RABGAP1: variants seen among roughly 807,000 people sequenced by gnomAD.
RABGAP1 encodes RAB GTPase activating protein 1, also known as rab GTPase-activating protein 1.
In RABGAP1, 23 loss-of-function variants were observed where a neutral mutation model predicts 137.6. The observed-to-expected ratio is 0.17, with a 90% confidence interval of 0.12 to 0.24. The LOEUF (loss-of-function observed/expected upper bound fraction) is 0.24. Ranked by LOEUF, RABGAP1 falls within the 10% of genes least tolerant of loss-of-function variation. The probability of loss-of-function intolerance (pLI) is 1.00; values close to 1 mark genes in which losing one functional copy is unlikely to be tolerated. For synonymous variants in RABGAP1, 451 were observed against 450.7 expected, an observed-to-expected ratio of 1.00 and a Z score of -0.01; for missense variants, 906 against 1,275.8, an observed-to-expected ratio of 0.71 and a Z score of 4.42.
rs189016905 is a variant in RABGAP1 at position 122,975,721 on chromosome 9, G to T, written c.151-8764G>T. Among the ~76,000 whole-genome samples the T allele has an allele frequency of 3.5e-3, 526 of 152,288 alleles. 9 individuals are homozygous for T. Among genetic ancestry groups the T allele is most frequent in the Non-Finnish European group, 3.1e-3 (212 of 68,024 alleles). On this transcript the variant is annotated intron_variant, in intron 2 of 25. Transcript: ENST00000373647. ...TGGATGCTATTTGGCAGGTACTGTG[G>T]TGTGAGAGTTAAATGAGATAGTTCT...
Position 122,967,295 on chromosome 9 carries a change from GAAAT to G in RABGAP1, c.150+10092_150+10095del, listed in dbSNP as rs1274214041. On this transcript the variant is annotated intron_variant, in intron 2 of 25. Coordinates refer to ENST00000373647, the MANE Select transcript of RABGAP1 (RefSeq NM_012197.4). ...GTAAATAGGAGATCAGAAAGAAGTGGAAATAAATATAGACAACTTTTTCAAGGAC... is the reference window on the plus strand; with the variant it reads ...GTAAATAGGAGATCAGAAAGAAGTGGAAATATAGACAACTTTTTCAAGGAC... 5.9e-5 allele frequency among the ~76,000 whole-genome samples: 9 copies of G among 152,224 alleles called. 1 individual carries two copies. The highest frequency in any genetic ancestry group is 4.6e-4 in the Admixed American group (7 of 15,276).
intron 1 of RABGAP1, among the ~76,000 whole-genome samples, chr9:122,944,889 C>A (rs71511548): frequency 6.6e-6 from 1 of 151,836 alleles, no homozygotes; most frequent in Admixed American, 6.6e-5. Context: ...AATAATCTTT[C>A]TTAGCAAGAC....
chr9:123,089,515 T>C (rs1052164539), intron 19 of RABGAP1: 4 of 438,464 alleles, frequency 9.1e-6, no homozygotes, highest in African/African-American at 3.9e-5. Context: ...GGGTGTTCAT[T>C]CTAATACTGT....
At chr9:123,079,268 C>T (rs1323546675) in intron 19 of RABGAP1, among the ~76,000 whole-genome samples, 2 of 137,170 alleles carry the variant, frequency 1.5e-5, no homozygotes, top group East Asian at 4.2e-4. Context: ...GAGACAGGGT[C>T]TCGCTTTGTC....
At chr9:123,098,220 T>C (rs2035240411) in intron 22 of RABGAP1, among the ~76,000 whole-genome samples, 1 of 152,236 alleles carries the variant, frequency 6.6e-6, no homozygotes, top group Admixed American at 6.5e-5. Flanking sequence ...GAGCCAGTGC[T>C]CCATAGTCAT....
chr9:123,010,290 C>G, intron 10 of RABGAP1, 64 bp from the exon 11 acceptor site: 1 of 1,393,402 alleles, frequency 7.2e-7, no homozygotes, highest in Non-Finnish European at 9.8e-7. Flanking sequence ...ATTAAAAACA[C>G]TGCAATTAAT....
intron 6 of RABGAP1, among the ~76,000 whole-genome samples, chr9:122,994,669 A>G (rs985612982): frequency 1.3e-5 from 2 of 152,176 alleles, no homozygotes; most frequent in Non-Finnish European, 2.9e-5. Context: ...GGTAGCTACT[A>G]ATGGTTCTAT....
At chr9:123,011,566 AT>A (rs778838296) in intron 11 of RABGAP1, among the ~76,000 whole-genome samples, 2 of 152,216 alleles carry the variant, frequency 1.3e-5, no homozygotes, top group African/African-American at 4.8e-5. Flanking sequence ...ATTTAGCATC[AT>A]TTATTAGTAA....
intron 9 of RABGAP1, among the ~76,000 whole-genome samples, chr9:122,997,841 A>T (rs997546388): frequency 1.3e-5 from 2 of 152,216 alleles, no homozygotes; most frequent in African/African-American, 4.8e-5. Context: ...GCTGCATATT[A>T]TCCCATTCTG....
intron 13 of RABGAP1, among the ~76,000 whole-genome samples, chr9:123,063,491 T>C (rs1291015770): frequency 6.6e-6 from 1 of 152,244 alleles, no homozygotes; most frequent in African/African-American, 2.4e-5. Flanking sequence ...CCAAACTGTT[T>C]ACAAAGTGTT....
At chr9:123,029,365 G>A in intron 13 of RABGAP1, 1 of 958,844 alleles carries the variant, frequency 1.0e-6, no homozygotes, top group Non-Finnish European at 1.7e-6. Flanking sequence ...ATGTAGAGTT[G>A]CTTGGACCTG....
chr9:123,051,958 ATT>A (rs58591585), intron 13 of RABGAP1, among the ~76,000 whole-genome samples: 2,825 of 130,594 alleles, frequency 0.022, 90 homozygotes, highest in African/African-American at 0.074. Flanking sequence ...CGCCCGGCTA[ATT>A]TTTTTTTTTT....
At chr9:122,956,478 G>A (rs765318360) in intron 1 of RABGAP1, among the ~76,000 whole-genome samples, 4 of 152,118 alleles carry the variant, frequency 2.6e-5, no homozygotes, top group Non-Finnish European at 4.4e-5. Flanking sequence ...GTGAAACCCC[G>A]TCTCTACGAA....
At chr9:122,933,265 C>A in the RABGAP1 span, among the ~76,000 whole-genome samples, 1 of 151,686 alleles carries the variant, frequency 6.6e-6, no homozygotes, top group East Asian at 1.9e-4. Flanking sequence ...CTGTTCCTAG[C>A]GAGGTAAATG....
intron 19 of RABGAP1, among the ~76,000 whole-genome samples, chr9:123,083,309 T>C (rs1473728146): frequency 6.6e-6 from 1 of 152,252 alleles, no homozygotes; most frequent in East Asian, 1.9e-4. Context: ...AAACTTATTC[T>C]CTATACACTA....
chr9:123,094,778 AAATT>A (rs1197490852), intron 21 of RABGAP1, among the ~76,000 whole-genome samples: 1 of 152,186 alleles, frequency 6.6e-6, no homozygotes, highest in East Asian at 1.9e-4. Flanking sequence ...TCTTTGCAGG[AAATT>A]AATTGTGAAT....
intron 13 of RABGAP1, among the ~76,000 whole-genome samples, chr9:123,021,443 T>C (rs1357149253): frequency 6.7e-6 from 1 of 148,668 alleles, no homozygotes; most frequent in African/African-American, 2.5e-5. Context: ...TGTGCCTCCA[T>C]CTCCCAAGAA....
At chr9:123,057,371 G>T (rs972492534) in intron 13 of RABGAP1, among the ~76,000 whole-genome samples, 35 of 151,870 alleles carry the variant, frequency 2.3e-4, no homozygotes, top group African/African-American at 6.8e-4. Context: ...TCACCTCCCA[G>T]ACGGGGTTGC....
At position 123,065,417 on chromosome 9, in the gene RABGAP1, G is replaced by A; in HGVS notation, c.1864G>A (p.Asp622Asn). ...RTFPAHDYFKDTGGDGQDSLY... is the reference protein window; with the variant it reads ...RTFPAHDYFKNTGGDGQDSLY... ...ATTCCCAGCCCATGACTACTTTAAG[G>A]ACACAGGAGGAGATGGACAAGATTC... is the stretch of plus-strand genomic sequence containing the variant. Residue 622 changes from aspartate to asparagine, a missense_variant, in exon 14 of 26, where the codon GAC becomes AAC. This residue lies in a region of RABGAP1 where 30 missense variants were observed against 105.8 expected (regional missense o/e 0.28). Transcript: ENST00000373647. The A allele has an allele frequency of 6.2e-7, 1 of 1,612,532 alleles. No homozygotes were observed. Among genetic ancestry groups the A allele is most frequent in the Non-Finnish European group, 8.5e-7 (1 of 1,178,892 alleles).
Sources: gnomAD v4.1 joint callset for allele counts (sites outside exome capture counted in the v4.1 genomes callset) on GRCh38, gnomAD v4.1.1 for gene constraint, gnomAD v4.1.1 regional missense constraint, MANE v1.5 for transcripts, NCBI Gene and HGNC (gene_info 2026-07-23, HGNC 2026-07-21) for gene names.